The following CNTN4 variants were observed in gnomAD, a reference collection of about 807,000 sequenced individuals.
CNTN4 encodes contactin 4.
CNTN4 carries 77 observed loss-of-function variants against 122.5 expected under a neutral mutation model. That is an observed-to-expected ratio of 0.63 (90% CI 0.52 to 0.76). CNTN4 has a LOEUF of 0.76. Among genes scored for constraint, CNTN4 ranks in the 30% least tolerant of loss-of-function variants. The pLI is 0.00. For missense variants in CNTN4, 1,256 were observed against 1,259.1 expected (o/e 1.00, Z 0.04); for synonymous variants, 512 against 447.0 (o/e 1.15, Z -1.83).
chr3:2,281,174 C>G (rs1363665071), intron 2 of CNTN4, among the ~76,000 whole-genome samples: 3 of 152,102 alleles, frequency 2.0e-5, no homozygotes, highest in African/African-American at 7.2e-5. Context: ...CCAGATATAC[C>G]TCTTCCATTT....
At chr3:2,896,032 CAAAAA>C (rs919224496) in intron 10 of CNTN4, among the ~76,000 whole-genome samples, 7 of 151,202 alleles carry the variant, frequency 4.6e-5, no homozygotes, top group Non-Finnish European at 8.8e-5. Context: ...GACTCTGTCT[CAAAAA>C]AAATAAATAA....
intron 3 of CNTN4, among the ~76,000 whole-genome samples, chr3:2,351,083 G>A (rs7615806): frequency 0.65 from 99,400 of 152,016 alleles, 32,722 homozygotes; most frequent in East Asian, 0.85. Context: ...TGCTTCAACC[G>A]TATTGACTGC....
chr3:2,771,581 G>C (rs1204646682), intron 6 of CNTN4, among the ~76,000 whole-genome samples: 1 of 152,138 alleles, frequency 6.6e-6, no homozygotes, highest in Non-Finnish European at 1.5e-5. Flanking sequence ...AGGACCAATT[G>C]AGACAAAGTA....
intron 2 of CNTN4, among the ~76,000 whole-genome samples, chr3:2,201,577 A>G (rs540084229): frequency 1.8e-4 from 27 of 152,126 alleles, no homozygotes; most frequent in Non-Finnish European, 3.5e-4. Flanking sequence ...AAAAATAACC[A>G]GTTCTGAAAA....
At chr3:2,560,543 G>A (rs4401348) in intron 3 of CNTN4, among the ~76,000 whole-genome samples, 9,946 of 152,202 alleles carry the variant, frequency 0.065, 443 homozygotes, top group Non-Finnish European at 0.094. Flanking sequence ...TTTTACTTGT[G>A]TTATCTCATA....
intron 13 of CNTN4, among the ~76,000 whole-genome samples, chr3:2,983,265 C>CTAA (rs1294681801): frequency 8.8e-6 from 1 of 113,710 alleles, no homozygotes; most frequent in African/African-American, 3.1e-5. Context: ...AGCACAAAGC[C>CTAA]TAATATATAG....
chr3:3,017,756 G>A (rs913846957), intron 14 of CNTN4, among the ~76,000 whole-genome samples: 15 of 152,168 alleles, frequency 9.9e-5, no homozygotes, highest in Admixed American at 4.6e-4. Flanking sequence ...GGGTGCTCAC[G>A]AGGAAGAAAA....
At chr3:2,562,923 C>T (rs899605826) in intron 3 of CNTN4, among the ~76,000 whole-genome samples, 3 of 151,770 alleles carry the variant, frequency 2.0e-5, no homozygotes, top group African/African-American at 7.3e-5. Flanking sequence ...AGATGGTATC[C>T]CCCTGTGTTG....
At chr3:2,540,248 A>C (rs1473880283) in intron 3 of CNTN4, among the ~76,000 whole-genome samples, 1 of 152,006 alleles carries the variant, frequency 6.6e-6, no homozygotes, top group African/African-American at 2.4e-5. Flanking sequence ...AACAAACTTG[A>C]GGGTAGGTGT....
chr3:2,917,912 T>TG (rs1182105459), intron 12 of CNTN4, among the ~76,000 whole-genome samples: 1 of 151,958 alleles, frequency 6.6e-6, no homozygotes, highest in African/African-American at 2.4e-5. Flanking sequence ...GAGGCATTTT[T>TG]TTTTTAACAG....
chr3:2,184,849 A>G (rs1280197971), intron 2 of CNTN4, among the ~76,000 whole-genome samples: 1 of 152,170 alleles, frequency 6.6e-6, no homozygotes, highest in African/African-American at 2.4e-5. Flanking sequence ...ATGTTTACAA[A>G]TTACTCAGTC....
In CNTN4 at chr3:2,883,177, G is replaced by C; in HGVS notation, c.685G>C (p.Val229Leu). ...VMGEYEPKIEVQFPETVPTAK... is the reference protein window; with the variant it reads ...VMGEYEPKIELQFPETVPTAK... ...GGGTGAATATGAGCCCAAAATAGAA[G>C]TGCAGTTCCCAGAAACAGTTCCGAC... Residue 229 changes from valine to leucine, a missense_variant, in exon 9 of 25, where the codon GTG becomes CTG. Coordinates refer to ENST00000418658, the MANE Select transcript of CNTN4 (RefSeq NM_175607.3). 1.2e-6 allele frequency: 2 copies of C among 1,613,840 alleles called. No individual in the cohort carries two copies. Among genetic ancestry groups the C allele is most frequent in the South Asian group, 1.1e-5 (1 of 91,050 alleles).
At chr3:3,049,177 G>A (rs1168904350) in intron 23 of CNTN4, among the ~76,000 whole-genome samples, 1 of 152,150 alleles carries the variant, frequency 6.6e-6, no homozygotes, top group African/African-American at 2.4e-5. Flanking sequence ...CCGCCTCCAG[G>A]GTTCAAGCAG....
intron 2 of CNTN4, among the ~76,000 whole-genome samples, chr3:2,291,161 A>T (rs1012571890): frequency 1.3e-5 from 2 of 151,930 alleles, no homozygotes; most frequent in African/African-American, 2.4e-5. Context: ...CTTTGCTTGG[A>T]TTTATGTAAA....
At chr3:2,206,945 C>T (rs1046560549) in intron 2 of CNTN4, among the ~76,000 whole-genome samples, 9 of 150,982 alleles carry the variant, frequency 6.0e-5, no homozygotes, top group Non-Finnish European at 5.9e-5. Flanking sequence ...CTATTAGTGA[C>T]ATTTTTCCAA....
chr3:2,311,427 A>G (rs2042910929), intron 2 of CNTN4, among the ~76,000 whole-genome samples: 1 of 152,152 alleles, frequency 6.6e-6, no homozygotes, highest in Non-Finnish European at 1.5e-5. Context: ...GACAAGAAGC[A>G]TAAAGAAACC....
intron 2 of CNTN4, among the ~76,000 whole-genome samples, chr3:2,257,987 C>T (rs29001486): frequency 0.61 from 93,139 of 151,930 alleles, 28,786 homozygotes; most frequent in South Asian, 0.71. Flanking sequence ...CACTTCAACC[C>T]GGGAGGTGGA....
intron 12 of CNTN4, among the ~76,000 whole-genome samples, chr3:2,915,306 T>A (rs558411439): frequency 6.6e-5 from 10 of 152,218 alleles, no homozygotes; most frequent in South Asian, 2.1e-4. Flanking sequence ...CCTCAAGTGA[T>A]CCTCCTGCCT....
chr3:2,781,760 T>C (rs1337830537), intron 6 of CNTN4, among the ~76,000 whole-genome samples: 3 of 135,082 alleles, frequency 2.2e-5, no homozygotes, highest in African/African-American at 3.2e-5. Context: ...AGTGTCGCTC[T>C]GTCGCCCAGG....
Sources: allele counts gnomAD v4.1 joint callset (sites outside exome capture counted in the v4.1 genomes callset), GRCh38; gene constraint gnomAD v4.1.1; transcripts MANE v1.5; gene names NCBI Gene and HGNC (gene_info 2026-07-23, HGNC 2026-07-21).